Variants in PLCB4 observed in about 807,000 individuals in gnomAD.
The protein encoded by PLCB4 is 1-phosphatidylinositol 4,5-bisphosphate phosphodiesterase beta-4.
PLCB4 carries 77 observed loss-of-function variants against 178.8 expected under a neutral mutation model. The ratio of observed to expected loss-of-function variants is 0.43; its 90% CI spans 0.36 to 0.52. The LOEUF is 0.52. PLCB4 is among the 20% of genes least tolerant of loss of function. The pLI is 0.00. For missense variants in PLCB4, 1,024 were observed against 1,453.4 expected (o/e 0.70, Z 4.80); for synonymous variants, 496 against 490.8 (o/e 1.01, Z -0.14).
chr20:9,190,856 T>A (rs1480998660), intron 2 of PLCB4, among the ~76,000 whole-genome samples: 1 of 152,186 alleles, frequency 6.6e-6, no homozygotes, highest in East Asian at 1.9e-4. Flanking sequence ...CTGAAGCTCA[T>A]GGAGCTTGGT....
intron 9 of PLCB4, 160 bp from the exon 10 acceptor site, chr20:9,371,054 A>C: frequency 1.4e-5 from 8 of 582,888 alleles, no homozygotes; most frequent in Non-Finnish European, 2.2e-5. Flanking sequence ...CACTGGAGGA[A>C]CTAGTTTGGG....
At chr20:9,258,541 C>T (rs1004622902) in intron 3 of PLCB4, among the ~76,000 whole-genome samples, 1 of 151,540 alleles carries the variant, frequency 6.6e-6, no homozygotes, top group Non-Finnish European at 1.5e-5. Flanking sequence ...ATGGTGAAAC[C>T]CCGTCTCTAC....
At chr20:9,118,350 C>A (rs558969611) in intron 2 of PLCB4, among the ~76,000 whole-genome samples, 2 of 145,172 alleles carry the variant, frequency 1.4e-5, no homozygotes, top group African/African-American at 5.1e-5. Context: ...AACAGAGCAA[C>A]GGTAAGTGCA....
intron 2 of PLCB4, among the ~76,000 whole-genome samples, chr20:9,098,763 G>GTGTGTGTATA (rs1283771888): frequency 1.7e-3 from 250 of 146,834 alleles, no homozygotes; most frequent in Admixed American, 3.2e-3. Context: ...GTGTGTGTGT[G>GTGTGTGTATA]TATATATATA....
At chr20:9,384,434 T>G (rs963272843) in intron 14 of PLCB4, 23 bp downstream of exon 14, 1 of 1,542,712 alleles carries the variant, frequency 6.5e-7, no homozygotes, top group Non-Finnish European at 9.0e-7. Context: ...AGATGGCAAT[T>G]TGTTTTTTGT....
intron 28 of PLCB4, among the ~76,000 whole-genome samples, chr20:9,433,335 A>T (rs73250484): frequency 0.037 from 5,609 of 152,282 alleles, 336 homozygotes; most frequent in African/African-American, 0.13. Flanking sequence ...AAGAGACATA[A>T]TTATCAGAGA....
At chr20:9,174,635 T>C (rs1481897911) in intron 2 of PLCB4, among the ~76,000 whole-genome samples, 1 of 152,198 alleles carries the variant, frequency 6.6e-6, no homozygotes, top group Non-Finnish European at 1.5e-5. Context: ...CTGCTGCTAT[T>C]GCTATTTGTG....
intron 4 of PLCB4, among the ~76,000 whole-genome samples, chr20:9,317,913 A>G (rs1462163211): frequency 6.6e-6 from 1 of 152,184 alleles, no homozygotes; most frequent in African/African-American, 2.4e-5. Context: ...GGCCTGGCCA[A>G]CATGGTGAAA....
chr20:9,121,533 T>C (rs2091962544), intron 2 of PLCB4, among the ~76,000 whole-genome samples: 1 of 152,194 alleles, frequency 6.6e-6, no homozygotes, highest in Non-Finnish European at 1.5e-5. Context: ...ATGTAGGAAG[T>C]GGCTTGTTTA....
At chr20:9,417,156 G>GTACT in intron 25 of PLCB4, among the ~76,000 whole-genome samples, 1 of 152,068 alleles carries the variant, frequency 6.6e-6, no homozygotes, top group South Asian at 2.1e-4. Context: ...TTTCATTGAT[G>GTACT]TACTGCTCAT....
intron 2 of PLCB4, among the ~76,000 whole-genome samples, chr20:9,195,411 C>T (rs1033399136): frequency 1.3e-5 from 2 of 152,186 alleles, no homozygotes; most frequent in Non-Finnish European, 2.9e-5. Context: ...TTATTTCTGG[C>T]TGTGTCTGTA....
At position 9,219,464 on chromosome 20, in the gene PLCB4, G is replaced by GA. The variant is rs538760742; in HGVS notation, c.-16+2022dup. ...AGCCTGGGCAACAGAGGGAGACTCCGAAAAAAAAAACTTTTACAGAGGCTT... is the reference window on the plus strand; with the variant it reads ...AGCCTGGGCAACAGAGGGAGACTCCGAAAAAAAAAAACTTTTACAGAGGCTT... On this transcript the variant is annotated intron_variant, in intron 3 of 39. Coordinates refer to ENST00000378473, the MANE Select transcript of PLCB4 (RefSeq NM_001377142.1). Among the ~76,000 whole-genome samples the GA allele has an allele frequency of 1.0e-2, 1,481 of 148,690 alleles. 17 individuals carry two copies. Among genetic ancestry groups the GA allele is most frequent in the South Asian group, 0.05 (233 of 4,688 alleles).
At chr20:9,198,922 A>G (rs992392166) in intron 2 of PLCB4, among the ~76,000 whole-genome samples, 1 of 152,178 alleles carries the variant, frequency 6.6e-6, no homozygotes, top group African/African-American at 2.4e-5. Context: ...TGAAAATAGT[A>G]GAGGGCTATT....
At chr20:9,336,296 CCT>C (rs2032451775) in intron 4 of PLCB4, among the ~76,000 whole-genome samples, 1 of 152,098 alleles carries the variant, frequency 6.6e-6, no homozygotes, top group Non-Finnish European at 1.5e-5. Context: ...ATGGATTTTT[CCT>C]CTCATTCCTA....
chr20:9,352,784 T>C (rs1312129872), intron 7 of PLCB4, among the ~76,000 whole-genome samples: 1 of 152,202 alleles, frequency 6.6e-6, no homozygotes, highest in Non-Finnish European at 1.5e-5. Flanking sequence ...TTAAGAATCA[T>C]ATGATTTAAT....
At chr20:9,299,267 G>C (rs970016846) in intron 3 of PLCB4, among the ~76,000 whole-genome samples, 2 of 151,818 alleles carry the variant, frequency 1.3e-5, no homozygotes, top group African/African-American at 4.8e-5. Context: ...AAAGAAACAA[G>C]TTTTAAAATT....
chr20:9,430,360 C>T (rs1456910211), intron 28 of PLCB4, among the ~76,000 whole-genome samples: 1 of 152,170 alleles, frequency 6.6e-6, no homozygotes, highest in African/African-American at 2.4e-5. Context: ...TTTGAACAAA[C>T]CTTACTTTAC....
chr20:9,258,394 A>G (rs938939065), intron 3 of PLCB4, among the ~76,000 whole-genome samples: 1 of 152,120 alleles, frequency 6.6e-6, no homozygotes, highest in Non-Finnish European at 1.5e-5. Context: ...GAGTCCAGAA[A>G]TGGGAGTGGG....
chr20:9,137,253 G>C (rs950401561), intron 2 of PLCB4, among the ~76,000 whole-genome samples: 1 of 152,000 alleles, frequency 6.6e-6, no homozygotes, highest in African/African-American at 2.4e-5. Context: ...TCTGTTTCCT[G>C]CTGGGACCCT....
Sources: gnomAD v4.1 joint callset for allele counts (sites outside exome capture counted in the v4.1 genomes callset) on GRCh38, gnomAD v4.1.1 for gene constraint, MANE v1.5 for transcripts, NCBI Gene and HGNC (gene_info 2026-07-23, HGNC 2026-07-21) for gene names.